HTR4: variants seen among roughly 807,000 people sequenced by gnomAD.
HTR4 encodes the protein 5-hydroxytryptamine (serotonin) receptor 4, G protein-coupled.
A neutral mutation model predicts 36.8 loss-of-function variants in HTR4; 16 were observed. The ratio of observed to expected loss-of-function variants is 0.43; its 90% CI spans 0.29 to 0.66. HTR4 has a LOEUF of 0.66. Ranked by LOEUF, HTR4 falls within the 30% of genes least tolerant of loss-of-function variation. The pLI, the probability that HTR4 is intolerant of heterozygous loss-of-function variation, is 0.13. For synonymous variants in HTR4, 189 were observed against 185.1 expected (o/e 1.02, Z -0.17); for missense variants, 438 against 490.9 (o/e 0.89, Z 1.02).
intron 2 of HTR4, among the ~76,000 whole-genome samples, chr5:148,557,770 T>A: frequency 6.7e-6 from 1 of 148,164 alleles, no homozygotes; most frequent in Non-Finnish European, 1.5e-5. Context: ...ATATATATAA[T>A]ATATTATATA....
Position 148,482,184 on chromosome 5 carries a change from T to G in HTR4, c.*1019A>C, listed in dbSNP as rs935997862. 1.0e-6 allele frequency: 1 copy of G among 985,572 alleles called. No homozygotes were observed. The highest frequency in any genetic ancestry group is 1.2e-6 in the Non-Finnish European group (1 of 830,040). The allele number at this position is 985,572 out of a possible 1,614,324, so 61.1% of individuals were successfully genotyped here. Reference sequence around the variant, plus strand: ...CCAGTGCTGCTGGATCCTGCCCTCCTGCACCTTGGGGGAGCTGCAGGGGAA... The same window carrying G: ...CCAGTGCTGCTGGATCCTGCCCTCCGGCACCTTGGGGGAGCTGCAGGGGAA... On this transcript the variant is annotated 3_prime_UTR_variant, in exon 7 of 7. Coordinates refer to ENST00000377888, the MANE Select transcript of HTR4 (RefSeq NM_000870.7).
At chr5:148,476,301 C>T (rs1272669998), downstream of HTR4, among the ~76,000 whole-genome samples, 6 of 152,178 alleles carry the variant, frequency 3.9e-5, no homozygotes, top group Admixed American at 6.5e-5. Context: ...AACTTCAGTC[C>T]GCTTCATCAC....
In HTR4 at chr5:148,454,717, C is replaced by A. The variant is rs181924319; in HGVS notation, c.1077-3445G>T. ...CAGACTCCTTTTATAATCACAGTTG[C>A]TCTGCAGGCCAGGCAAGGCAGGTGA... On this transcript the variant is annotated intron_variant, in intron 5 of 5. Coordinates refer to the HTR4 transcript ENST00000521530. 2.8e-3 allele frequency among the ~76,000 whole-genome samples: 432 copies of A among 152,296 alleles called. 2 individuals carry two copies. The highest frequency in any genetic ancestry group is 3.5e-3 in the Non-Finnish European group (235 of 68,026).
In HTR4 at chr5:148,493,941, T is replaced by C. The variant is rs144414270; in HGVS notation, c.1077-10648A>G. ...TCAAGGTAAAGGCCATAAGATGGCT[T>C]TTAAATGTCAAACAACTTTCCGACA... On this transcript the variant is annotated intron_variant, in intron 6 of 6. Transcript: ENST00000377888. Among the ~76,000 whole-genome samples, 191 of 152,298 alleles carry C rather than the reference T, an allele frequency of 1.3e-3. 4 individuals are homozygous for C. In the East Asian group the frequency reaches 0.032, roughly 26 times the overall value.
intron 6 of HTR4, among the ~76,000 whole-genome samples, chr5:148,495,297 A>G (rs13436044): frequency 0.022 from 3,302 of 152,250 alleles, 119 homozygotes; most frequent in African/African-American, 0.075. Flanking sequence ...AAATAGGAGG[A>G]TGGGGATTAT....
At chr5:148,644,056 T>C (rs1185248679) in intron 1 of HTR4, among the ~76,000 whole-genome samples, 4 of 152,186 alleles carry the variant, frequency 2.6e-5, no homozygotes, top group South Asian at 2.1e-4. Flanking sequence ...GCCTGGACCC[T>C]ACCCCAAGTT....
At chr5:148,631,281 C>T (rs1048049438) in intron 2 of HTR4, among the ~76,000 whole-genome samples, 4 of 152,142 alleles carry the variant, frequency 2.6e-5, no homozygotes, top group Non-Finnish European at 5.9e-5. Context: ...TTCTCATTTA[C>T]ATTTCTAAAG....
chr5:148,577,687 G>A (rs1474262233), intron 2 of HTR4, among the ~76,000 whole-genome samples: 2 of 152,008 alleles, frequency 1.3e-5, no homozygotes, highest in Admixed American at 1.3e-4. Context: ...TGGAGCTGGA[G>A]GCTATTATAC....
Position 148,532,914 on chromosome 5 carries a change from G to A in HTR4, c.354-9568C>T, listed in dbSNP as rs147414997. ...ATTTGCATTTTTGATATGTTCCCAGGTGATGCTGTTGCTAGTGGATTGGAG... is the reference window on the plus strand; with the variant it reads ...ATTTGCATTTTTGATATGTTCCCAGATGATGCTGTTGCTAGTGGATTGGAG... On this transcript the variant is annotated intron_variant, in intron 4 of 6. Transcript: ENST00000377888. 1.5e-4 allele frequency among the ~76,000 whole-genome samples: 23 copies of A among 152,252 alleles called. No homozygotes were observed. The East Asian group carries it at 3.7e-3, about 24-fold the overall frequency.
intron 4 of HTR4, among the ~76,000 whole-genome samples, chr5:148,524,955 A>C (rs889996543): frequency 6.6e-6 from 1 of 152,026 alleles, no homozygotes; most frequent in Non-Finnish European, 1.5e-5. Flanking sequence ...GAGGAGAAAT[A>C]CCCGCTTTCC....
At chr5:148,529,116 G>T (rs1275115331) in intron 4 of HTR4, among the ~76,000 whole-genome samples, 1 of 151,922 alleles carries the variant, frequency 6.6e-6, no homozygotes, top group Admixed American at 6.6e-5. Context: ...CTGGCATCTA[G>T]CCCAGGCAGA....
At chr5:148,511,151 C>A (rs370523523) in intron 5 of HTR4, among the ~76,000 whole-genome samples, 6 of 152,162 alleles carry the variant, frequency 3.9e-5, no homozygotes, top group African/African-American at 1.2e-4. Flanking sequence ...CATAGCTGAA[C>A]CTTCCATCCT....
chr5:148,607,462 T>A (rs1361302367), intron 2 of HTR4, among the ~76,000 whole-genome samples: 1 of 152,206 alleles, frequency 6.6e-6, no homozygotes, highest in African/African-American at 2.4e-5. Context: ...AAATTAGTCA[T>A]TTTTTATGGG....
At chr5:148,600,451 T>C (rs1420905419) in intron 2 of HTR4, among the ~76,000 whole-genome samples, 1 of 150,808 alleles carries the variant, frequency 6.6e-6, no homozygotes, top group Non-Finnish European at 1.5e-5. Context: ...GACATATTCC[T>C]ATATGTAGAA....
At chr5:148,498,104 G>T (rs944269966) in intron 6 of HTR4, among the ~76,000 whole-genome samples, 3 of 152,082 alleles carry the variant, frequency 2.0e-5, no homozygotes, top group Admixed American at 6.6e-5. Flanking sequence ...TCTTTCAAAA[G>T]CATATTTTAT....
chr5:148,462,731 C>T (rs1755307368), intron 5 of HTR4, among the ~76,000 whole-genome samples: 1 of 152,214 alleles, frequency 6.6e-6, no homozygotes, highest in South Asian at 2.1e-4. Context: ...AAATCAATAC[C>T]TCTTGTGAAC....
In HTR4 at chr5:148,488,520, T is replaced by C. The variant is rs530923285; in HGVS notation, c.1077-5227A>G. ...CAATACAGAGTTTCCTTTACAAATA[T>C]GTTTATTTAGATTTAAAACGTATTT... On this transcript the variant is annotated intron_variant, in intron 6 of 6. Coordinates refer to ENST00000377888, the MANE Select transcript of HTR4 (RefSeq NM_000870.7). 5.3e-5 allele frequency among the ~76,000 whole-genome samples: 8 copies of C among 152,328 alleles called. No individual in the cohort carries two copies. In the East Asian group the frequency reaches 1.5e-3, roughly 29 times the overall value.
chr5:148,590,287 CTTTTTTTTTTTT>C (rs779077579), intron 2 of HTR4, among the ~76,000 whole-genome samples: 15 of 33,336 alleles, frequency 4.5e-4, no homozygotes, highest in African/African-American at 5.4e-4. Flanking sequence ...TTTTTCTTTT[CTTTTTTTTTTTT>C]TTTTTTTTTT....
At chr5:148,516,227 T>C (rs1757742001) in intron 5 of HTR4, among the ~76,000 whole-genome samples, 1 of 151,636 alleles carries the variant, frequency 6.6e-6, no homozygotes, top group Non-Finnish European at 1.5e-5. Context: ...TTCTCAGATA[T>C]GTCAAATCTA....
Sources: gnomAD v4.1 joint callset for allele counts (sites outside exome capture counted in the v4.1 genomes callset) on GRCh38, gnomAD v4.1.1 for gene constraint, MANE v1.5 for transcripts, NCBI Gene and HGNC (gene_info 2026-07-23, HGNC 2026-07-21) for gene names.